MGST1: variants seen among roughly 807,000 people sequenced by gnomAD.
The protein encoded by MGST1 is microsomal glutathione S-transferase 1.
MGST1 carries 5 observed loss-of-function variants against 8.9 expected under a neutral mutation model. The ratio of observed to expected loss-of-function variants is 0.56; its 90% CI spans 0.29 to 1.19. The LOEUF is 1.19. MGST1 is among the 50% of genes most tolerant of loss of function. The pLI, the probability that MGST1 is intolerant of heterozygous loss-of-function variation, is 0.08. For missense variants in MGST1, 182 were observed against 187.4 expected, an observed-to-expected ratio of 0.97 and a Z score of 0.17; for synonymous variants, 54 against 67.8, an observed-to-expected ratio of 0.80 and a Z score of 1.00.
At chr12:16,457,514 A>G (rs1232771396) in intron 4 of MGST1, among the ~76,000 whole-genome samples, 1 of 151,924 alleles carries the variant, frequency 6.6e-6, no homozygotes, top group Admixed American at 6.6e-5. Context: ...CGTGATATTT[A>G]TCTTACATTT....
chr12:16,356,151 A>G (rs1158165008), intron 2 of MGST1, among the ~76,000 whole-genome samples: 1 of 152,176 alleles, frequency 6.6e-6, no homozygotes, highest in South Asian at 2.1e-4. Context: ...ATACTATCAC[A>G]TCGAAGATTA....
chr12:16,471,489 G>C (rs1181042524), intron 4 of MGST1, among the ~76,000 whole-genome samples: 1 of 152,104 alleles, frequency 6.6e-6, no homozygotes, highest in Non-Finnish European at 1.5e-5. Context: ...TATTTCTATA[G>C]AGGAAATACT....
At position 16,482,523 on chromosome 12, in the gene MGST1, C is replaced by T. The variant is rs1024834884; in HGVS notation, n.482+98919C>T. Among the ~76,000 whole-genome samples, 4 of 151,750 alleles carry T rather than the reference C, an allele frequency of 2.6e-5. No individual in the cohort carries two copies. Among genetic ancestry groups the T allele is most frequent in the East Asian group, 1.9e-4 (1 of 5,144 alleles). ...GCAGGCGCCTGTAATCCTAGCTACT[C>T]GGGAGGCCGAGGCAGGAGAATTGCT... On this transcript the variant is annotated intron_variant and non_coding_transcript_variant, in intron 4 of 4. Transcript: ENST00000538857. The surrounding 1 kb of genome is among the most constrained non-coding windows in gnomAD (Gnocchi z 4.2).
chr12:16,439,631 A>G (rs1272635153), downstream of MGST1, among the ~76,000 whole-genome samples: 2 of 151,782 alleles, frequency 1.3e-5, no homozygotes, highest in Non-Finnish European at 2.9e-5. Flanking sequence ...GTGGAGGGGT[A>G]GAAGGTGCAT....
intron 1 of MGST1, among the ~76,000 whole-genome samples, chr12:16,414,717 G>T (rs926009654): frequency 6.6e-6 from 1 of 152,076 alleles, no homozygotes; most frequent in African/African-American, 2.4e-5. Flanking sequence ...GCCCGGCCAA[G>T]GTGGTTATTT....
chr12:16,553,830 G>T (rs1464780400), intron 4 of MGST1, among the ~76,000 whole-genome samples: 1 of 149,850 alleles, frequency 6.7e-6, no homozygotes, highest in Non-Finnish European at 1.5e-5. Flanking sequence ...TTTCCAGTGT[G>T]ATTTAACCAA....
intron 4 of MGST1, among the ~76,000 whole-genome samples, chr12:16,580,279 G>A (rs2216235): frequency 1 from 151,739 of 152,290 alleles, 75,596 homozygotes; most frequent in East Asian, 1. Flanking sequence ...TCTGAATTTT[G>A]TCAATGTTTA....
At chr12:16,391,724 C>T (rs1460172735) in intron 1 of MGST1, among the ~76,000 whole-genome samples, 1 of 152,154 alleles carries the variant, frequency 6.6e-6, no homozygotes, top group Non-Finnish European at 1.5e-5. Flanking sequence ...GTTTATTTTG[C>T]TGTGCAGAAG....
intron 2 of MGST1, among the ~76,000 whole-genome samples, chr12:16,355,555 C>T (rs1939681326): frequency 1.3e-5 from 2 of 152,164 alleles, no homozygotes; most frequent in Non-Finnish European, 2.9e-5. Flanking sequence ...GGGAACACCT[C>T]TCATGCACTG....
intron 4 of MGST1, among the ~76,000 whole-genome samples, chr12:16,498,624 A>G (rs1425537670): frequency 2.0e-5 from 3 of 152,220 alleles, no homozygotes; most frequent in Admixed American, 1.3e-4. Flanking sequence ...GAGGCTAATC[A>G]TCTCATTCTT....
chr12:16,376,298 C>T (rs918052503), exon 4 of MGST1: 12 of 474,396 alleles, frequency 2.5e-5, no homozygotes, highest in African/African-American at 2.2e-4. Flanking sequence ...AGATTATCCA[C>T]GGCTGTTAAC....
In MGST1 at chr12:16,576,079, C is replaced by T. The variant is rs1228830164; in HGVS notation, n.483-13449C>T. On this transcript the variant is annotated intron_variant and non_coding_transcript_variant, in intron 4 of 4. Transcript: ENST00000538857. This position sits in a 1 kb window ranked among gnomAD's most constrained non-coding sequence, Gnocchi z 4.1. The stretch of plus-strand genomic sequence containing the variant: ...TTGTCTCAGTAAGCTACTTCTAGCG[C>T]GCATCGCTTCTCCCTTGCACTCATA... Among the ~76,000 whole-genome samples the T allele has an allele frequency of 2.6e-5, 4 of 152,152 alleles. No individual in the cohort carries two copies. Among genetic ancestry groups the T allele is most frequent in the Non-Finnish European group, 4.4e-5 (3 of 68,022 alleles).
rs1942588631 is a variant in MGST1, at chr12:16,566,001, TATATATATATATATATA to T, written n.483-23526_483-23510del. 6.5e-5 allele frequency among the ~76,000 whole-genome samples: 3 copies of T among 45,846 alleles called. 1 individual carries two copies. In the South Asian group the frequency reaches 2.4e-3, roughly 37 times the overall value. The allele number at this position is 45,846 out of a possible 152,430, so 30.1% of individuals were successfully genotyped here. On this transcript the variant is annotated intron_variant and non_coding_transcript_variant, in intron 4 of 4. Transcript: ENST00000538857. ...AATGTGCCATATATATATATATATA[TATATATATATATATATA>T]TATATATATATATATATATATAAAA...
chr12:16,470,237 T>C (rs567658621), intron 4 of MGST1, among the ~76,000 whole-genome samples: 17 of 152,300 alleles, frequency 1.1e-4, no homozygotes, highest in Non-Finnish European at 2.2e-4. Context: ...ATAGCTATGT[T>C]TCAGTTGGGA....
downstream of MGST1, among the ~76,000 whole-genome samples, chr12:16,365,743 G>GCACACACATA (rs1555096029): frequency 1.1e-4 from 11 of 100,406 alleles, no homozygotes; most frequent in African/African-American, 5.2e-4. Context: ...GCGTGCACGC[G>GCACACACATA]CACACACACA....
intron 1 of MGST1, among the ~76,000 whole-genome samples, chr12:16,408,321 A>G (rs563893940): frequency 6.6e-6 from 1 of 152,304 alleles, no homozygotes; most frequent in Non-Finnish European, 1.5e-5. Flanking sequence ...ACAAATTCCC[A>G]TGACAGGAGT....
chr12:16,440,276 C>T (rs1941028295), downstream of MGST1, among the ~76,000 whole-genome samples: 1 of 149,432 alleles, frequency 6.7e-6, no homozygotes, highest in Admixed American at 6.8e-5. Context: ...CACACATACA[C>T]AGTAAAGCGT....
chr12:16,409,722 G>C (rs11056922), intron 1 of MGST1, among the ~76,000 whole-genome samples: 3 of 151,732 alleles, frequency 2.0e-5, no homozygotes, highest in Non-Finnish European at 4.4e-5. Context: ...TAACTATTTT[G>C]CCAGCGCTTT....
chr12:16,492,319 G>C (rs559560713), intron 4 of MGST1, among the ~76,000 whole-genome samples: 2 of 152,222 alleles, frequency 1.3e-5, no homozygotes, highest in Non-Finnish European at 2.9e-5. Flanking sequence ...TGTATCTGGG[G>C]AGCACTGTCA....
Sources: allele counts gnomAD v4.1 joint callset (sites outside exome capture counted in the v4.1 genomes callset), GRCh38; gene constraint gnomAD v4.1.1; non-coding constraint Gnocchi (gnomAD v3.1); transcripts MANE v1.5; gene names NCBI Gene and HGNC (gene_info 2026-07-23, HGNC 2026-07-21).